LOXL3: variants seen among roughly 807,000 people sequenced by gnomAD.
The protein encoded by LOXL3 is lysyl oxidase homolog 3.
Under a neutral mutation model 91.8 loss-of-function variants are expected in LOXL3, and 60 were observed. That is an observed-to-expected ratio of 0.65 (90% CI 0.53 to 0.81). LOXL3 has a LOEUF of 0.81. LOXL3 is among the 30% of genes least tolerant of loss of function. LOXL3 has a pLI of 0.00. For synonymous variants in LOXL3, 355 were observed against 387.6 expected, an observed-to-expected ratio of 0.92 and a Z score of 0.99; for missense variants, 874 against 1,000.4, an observed-to-expected ratio of 0.87 and a Z score of 1.70.
rs1261229929 is a variant in LOXL3 at position 74,532,543 on chromosome 2, A to T, written c.*1063T>A. On this transcript the variant is annotated 3_prime_UTR_variant, in exon 14 of 14. Coordinates refer to ENST00000264094, the MANE Select transcript of LOXL3 (RefSeq NM_032603.5). ...TGTCCATATATTTATCAATGTGTTG[A>T]TGAGAGACTTGAGGTGGAACTCAGG... is the stretch of plus-strand genomic sequence containing the variant. 9.1e-7 allele frequency: 1 copy of T among 1,098,712 alleles called. No individual in the cohort carries two copies. Among genetic ancestry groups the T allele is most frequent in the East Asian group, 2.4e-5 (1 of 41,450 alleles). 68.1% of individuals were successfully genotyped at this position (1,098,712 alleles called of 1,614,324 possible).
At chr2:74,552,278 C>A in intron 2 of LOXL3, 44 bp downstream of exon 2, 1 of 1,549,970 alleles carries the variant, frequency 6.5e-7, no homozygotes, top group South Asian at 1.2e-5. Flanking sequence ...TGCACTTTGG[C>A]CACACATAGG....
In LOXL3 at chr2:74,533,594, G is replaced by A; in HGVS notation, c.*12C>T. 6.2e-7 allele frequency: 1 copy of A among 1,613,494 alleles called. No homozygotes were observed. Among genetic ancestry groups the A allele is most frequent in the Non-Finnish European group, 8.5e-7 (1 of 1,179,496 alleles). ...TTAGGGGCCAGTGGTGGTTTGCAGA[G>A]GGCAGTGGCACTTAGATAATCTGGT... On this transcript the variant is annotated 3_prime_UTR_variant, in exon 14 of 14. Transcript: ENST00000264094.
At position 74,536,458 on chromosome 2, in the gene LOXL3, A is replaced by G. The variant is rs1338721909; in HGVS notation, c.926T>C (p.Leu309Pro). The G allele has an allele frequency of 1.2e-6, 2 of 1,613,484 alleles. No individual in the cohort carries two copies. The highest frequency in any genetic ancestry group is 1.7e-6 in the Non-Finnish European group (2 of 1,179,862). Residue 309 changes from leucine (L) to proline (P), a missense_variant, in exon 6 of 14, where the codon CTA becomes CCA. Leu to Pro is a moderately conservative substitution (Grantham distance 98, BLOSUM62 -3). Coordinates refer to ENST00000264094, the MANE Select transcript of LOXL3 (RefSeq NM_032603.5). This position sits in a 1 kb window ranked among gnomAD's most constrained non-coding sequence, Gnocchi z 4.5. ...CTCTCCAGGGTGGGCGCCGCCCTTT[A>G]GACGGACACGGGCCTATAGAAGAGA... is the stretch of plus-strand genomic sequence containing the variant. ...SKPQGEARVR[L>P]KGGAHPGEGR...
At chr2:74,555,181 T>C, upstream of LOXL3, 4 of 1,613,264 alleles carry the variant, frequency 2.5e-6, no homozygotes, top group Non-Finnish European at 3.4e-6. This position sits in a 1 kb window ranked among gnomAD's most constrained non-coding sequence, Gnocchi z 6.1. Flanking sequence ...GGCCGTGCTC[T>C]ACCCGGCCAG....
chr2:74,550,210 C>T lies in LOXL3; in HGVS notation c.452G>A (p.Gly151Asp), dbSNP rs769189437. ...GVICKDQRLPGFSDSNVIEVE... is the reference protein window; with the variant it reads ...GVICKDQRLPDFSDSNVIEVE... Reference sequence around the variant, plus strand: ...CTCAATGACATTGGAGTCCGAGAAGCCAGGGAGGCGCTGGTCTTTGCAGAT... The same window carrying T: ...CTCAATGACATTGGAGTCCGAGAAGTCAGGGAGGCGCTGGTCTTTGCAGAT... The change falls in exon 3 of 14, where the codon GGC becomes GAC. Residue 151 changes from glycine to aspartate, a missense_variant. By Grantham distance (94) the Gly-to-Asp change is moderately conservative. Transcript: ENST00000264094. 1.9e-6 allele frequency: 3 copies of T among 1,613,918 alleles called. No homozygotes were observed.
chr2:74,536,150 C>G lies in LOXL3; in HGVS notation c.1094G>C (p.Gly365Ala). Residue 365 changes from glycine to alanine, a missense_variant and splice_region_variant, in exon 7 of 14, where the codon GGC (glycine) becomes GCC (alanine). Coordinates refer to ENST00000264094, the MANE Select transcript of LOXL3 (RefSeq NM_032603.5). The surrounding 1 kb of genome is among the most constrained non-coding windows in gnomAD (Gnocchi z 4.5). ...EALSGARMGQ[G>A]MGAIHLSEVR... ...TTCACTCAGGTGGATAGCACCCATG[C>G]CTAGGGCCAGATGGCAAAGATCAGG... is the stretch of plus-strand genomic sequence containing the variant. 3 of 1,613,546 alleles carry G rather than the reference C, an allele frequency of 1.9e-6. No individual in the cohort carries two copies. Among genetic ancestry groups the G allele is most frequent in the South Asian group, 1.1e-5 (1 of 91,084 alleles).
intron 4 of LOXL3, among the ~76,000 whole-genome samples, chr2:74,544,423 A>G (rs573904876): frequency 1.3e-5 from 2 of 152,342 alleles, no homozygotes; most frequent in South Asian, 4.1e-4. Context: ...TCTGCAGCCT[A>G]ATAACCTCTC....
chr2:74,543,659 C>T (rs1427132777), intron 4 of LOXL3, among the ~76,000 whole-genome samples: 1 of 151,872 alleles, frequency 6.6e-6, no homozygotes, highest in Non-Finnish European at 1.5e-5. Context: ...ACAGGCAGAT[C>T]ACTTGATCTG....
intron 2 of LOXL3, 127 bp from the exon 3 acceptor site, chr2:74,550,475 A>G: frequency 9.6e-7 from 1 of 1,043,968 alleles, no homozygotes; most frequent in Non-Finnish European, 1.4e-6. Flanking sequence ...TTCTGGTATG[A>G]TAAGGGGTGG....
chr2:74,550,469 G>A, intron 2 of LOXL3, 121 bp from the exon 3 acceptor site: 1 of 1,070,778 alleles, frequency 9.3e-7, no homozygotes, highest in South Asian at 1.5e-5. Flanking sequence ...CCATCTTTCT[G>A]GTATGATAAG....
At chr2:74,552,726 C>T (rs1217275410) in intron 1 of LOXL3, 80 bp from the exon 2 acceptor site, 25 of 1,276,886 alleles carry the variant, frequency 2.0e-5, no homozygotes, top group African/African-American at 3.0e-5. Flanking sequence ...GGAGAAGTCA[C>T]GAAAGAAAAA....
chr2:74,534,303 G>A lies in LOXL3; in HGVS notation c.1939+13C>T. 6.2e-7 allele frequency: 1 copy of A among 1,614,168 alleles called. No homozygotes were observed. Among genetic ancestry groups the A allele is most frequent in the Non-Finnish European group, 8.5e-7 (1 of 1,179,970 alleles). On this transcript the variant is annotated intron_variant, in intron 11 of 13. Transcript: ENST00000264094. ...AATGGATACCATGTGGTTCACTTCA[G>A]TCCCCAACTCACCCTCCTGACACTC...
intron 4 of LOXL3, among the ~76,000 whole-genome samples, chr2:74,545,787 C>G (rs1676557052): frequency 6.6e-6 from 1 of 152,182 alleles, no homozygotes. Context: ...GGTTCAGTCT[C>G]TGGGCCTCTC....
Position 74,549,899 on chromosome 2 carries a change from C to A in LOXL3, c.477+286G>T. ...GAGGAGAAAGTCAGAAGGAAGATGT[C>A]TCAGGAAAGCAGGAACATTTGAGGA... On this transcript the variant is annotated intron_variant, in intron 3 of 13. Transcript: ENST00000264094. The surrounding 1 kb of genome is among the most constrained non-coding windows in gnomAD (Gnocchi z 5.3). 1.0e-6 allele frequency: 1 copy of A among 985,470 alleles called. No individual in the cohort carries two copies. Among genetic ancestry groups the A allele is most frequent in the Non-Finnish European group, 1.2e-6 (1 of 829,942 alleles). 61.0% of individuals were successfully genotyped at this position (985,470 alleles called of 1,614,324 possible). A position where few individuals can be genotyped will look rare whatever the true frequency, so the allele number is the denominator to read the frequency against.
chr2:74,533,326 G>A lies in LOXL3; in HGVS notation c.*280C>T. 1.9e-6 allele frequency: 1 copy of A among 532,202 alleles called. No individual in the cohort carries two copies. Among genetic ancestry groups the A allele is most frequent in the South Asian group, 2.3e-5 (1 of 44,292 alleles). 33.0% of individuals were successfully genotyped at this position (532,202 alleles called of 1,614,324 possible). On this transcript the variant is annotated 3_prime_UTR_variant, in exon 14 of 14. Coordinates refer to ENST00000264094, the MANE Select transcript of LOXL3 (RefSeq NM_032603.5). ...AGAAAATGAGCTGCTGCCATCTTTTGTGGGCAGTTAGTCAGGTGCTGCTCT... is the reference window on the plus strand; with the variant it reads ...AGAAAATGAGCTGCTGCCATCTTTTATGGGCAGTTAGTCAGGTGCTGCTCT...
chr2:74,551,764 G>T (rs1194440704), intron 2 of LOXL3, among the ~76,000 whole-genome samples: 1 of 152,264 alleles, frequency 6.6e-6, no homozygotes, highest in African/African-American at 2.4e-5. Flanking sequence ...CCCACTGTGG[G>T]TTCATACCAT....
intron 4 of LOXL3, among the ~76,000 whole-genome samples, chr2:74,540,517 C>T (rs765307641): frequency 2.0e-5 from 3 of 152,112 alleles, no homozygotes; most frequent in African/African-American, 7.2e-5. Context: ...TATCCAAGGG[C>T]GTTAACTTGG....
intron 2 of LOXL3, among the ~76,000 whole-genome samples, chr2:74,550,709 T>G (rs923602189): frequency 6.6e-6 from 1 of 152,194 alleles, no homozygotes; most frequent in African/African-American, 2.4e-5. Context: ...TGATCATTCT[T>G]AGAACAGAGC....
intron 2 of LOXL3, 33 bp from the exon 3 acceptor site, chr2:74,550,381 T>A: frequency 6.2e-7 from 1 of 1,602,968 alleles, no homozygotes. Flanking sequence ...ACAGAGAAGC[T>A]TGGGGAGGGA....
Sources: gnomAD v4.1 joint callset for allele counts (sites outside exome capture counted in the v4.1 genomes callset) on GRCh38, gnomAD v4.1.1 for gene constraint, Gnocchi (gnomAD v3.1) non-coding constraint, MANE v1.5 for transcripts, NCBI Gene and HGNC (gene_info 2026-07-23, HGNC 2026-07-21) for gene names.